KIAA1671: variants seen among roughly 807,000 people sequenced by gnomAD.
The protein encoded by KIAA1671 is uncharacterized protein KIAA1671.
Under a neutral mutation model 131.2 loss-of-function variants are expected in KIAA1671, and 52 were observed. The observed-to-expected ratio is 0.40, with a 90% CI of 0.32 to 0.50. The LOEUF is 0.50. KIAA1671 is among the 20% of genes least tolerant of loss of function. KIAA1671 has a pLI of 0.73. For synonymous variants in KIAA1671, 1,003 were observed against 961.6 expected (o/e 1.04, Z -0.80); for missense variants, 2,360 against 2,364.2 (o/e 1.00, Z 0.04).
chr22:25,112,513 C>T, intron 6 of KIAA1671: 1 of 398,116 alleles, frequency 2.5e-6, no homozygotes, highest in Non-Finnish European at 4.4e-6. Context: ...AAAGCTCCTC[C>T]CCTCCAGTCC....
At chr22:25,006,252 C>G (rs992477059) in intron 1 of KIAA1671, among the ~76,000 whole-genome samples, 1 of 152,070 alleles carries the variant, frequency 6.6e-6, no homozygotes, top group African/African-American at 2.4e-5. Flanking sequence ...AGGCTGGTCT[C>G]GAACTCCTGA....
At chr22:24,956,006 C>G (rs926912100) in intron 1 of KIAA1671, among the ~76,000 whole-genome samples, 1 of 129,566 alleles carries the variant, frequency 7.7e-6, no homozygotes, top group African/African-American at 3.0e-5. Context: ...GCCTGGGCGA[C>G]AGAGTGAGAC....
At chr22:25,068,003 G>T (rs749861890) in intron 6 of KIAA1671, among the ~76,000 whole-genome samples, 2 of 152,288 alleles carry the variant, frequency 1.3e-5, no homozygotes, top group Non-Finnish European at 2.9e-5. Flanking sequence ...GGTGCCGCCA[G>T]TGCAGAGGAA....
At chr22:25,070,477 G>C in intron 6 of KIAA1671, 1 of 423,822 alleles carries the variant, frequency 2.4e-6, no homozygotes, top group South Asian at 9.0e-5. Context: ...CTCTCCTCCT[G>C]CTTCCTGTCA....
intron 6 of KIAA1671, among the ~76,000 whole-genome samples, chr22:25,067,859 C>T (rs550646258): frequency 1.3e-5 from 2 of 152,370 alleles, no homozygotes; most frequent in East Asian, 1.9e-4. Context: ...AGGGCAGCCG[C>T]GAGCGCTGCA....
chr22:24,990,497 C>G (rs1019144233), intron 1 of KIAA1671, among the ~76,000 whole-genome samples: 1 of 152,216 alleles, frequency 6.6e-6, no homozygotes, highest in African/African-American at 2.4e-5. Flanking sequence ...TGGCCCCACA[C>G]ACACCATGCA....
chr22:24,985,223 T>C (rs1252793022), intron 1 of KIAA1671, among the ~76,000 whole-genome samples: 2 of 152,168 alleles, frequency 1.3e-5, no homozygotes, highest in African/African-American at 4.8e-5. Context: ...AAACGTAAAT[T>C]AGGTGCTGTC....
chr22:25,069,096 A>G (rs138375765), intron 6 of KIAA1671, among the ~76,000 whole-genome samples: 20 of 152,178 alleles, frequency 1.3e-4, no homozygotes, highest in African/African-American at 4.6e-4. Context: ...TCCCTGTCTC[A>G]CTGTTTAGCT....
In KIAA1671 at chr22:25,185,475, G is replaced by A. The variant is rs187234686; in HGVS notation, c.5342+356G>A. 288 of 224,970 alleles carry A rather than the reference G, an allele frequency of 1.3e-3. 1 individual carries two copies. Among genetic ancestry groups the A allele is most frequent in the African/African-American group, 6.0e-3 (265 of 43,868 alleles). 13.9% of individuals were successfully genotyped at this position (224,970 alleles called of 1,614,324 possible). A position where few individuals can be genotyped will look rare whatever the true frequency, so the allele number is the denominator to read the frequency against. ...CTCCCTCCTCTTCCCCTTTGGGGAA[G>A]TATCTTTATTATCAGAGATCTGGAG... On this transcript the variant is annotated intron_variant, in intron 11 of 12. Coordinates refer to ENST00000358431, the MANE Select transcript of KIAA1671 (RefSeq NM_001145206.2).
chr22:25,110,740 C>T (rs1931286939), intron 6 of KIAA1671, among the ~76,000 whole-genome samples: 1 of 152,172 alleles, frequency 6.6e-6, no homozygotes, highest in Non-Finnish European at 1.5e-5. Flanking sequence ...AGGGTCTAGT[C>T]GTACCCCCAA....
At chr22:25,086,751 A>G (rs1047805779) in intron 6 of KIAA1671, among the ~76,000 whole-genome samples, 9 of 152,104 alleles carry the variant, frequency 5.9e-5, no homozygotes, top group African/African-American at 1.9e-4. Context: ...TTTTCTCCAC[A>G]CCAGGCTGGC....
chr22:24,958,503 A>C (rs899855112), intron 1 of KIAA1671, among the ~76,000 whole-genome samples: 3 of 151,754 alleles, frequency 2.0e-5, no homozygotes, highest in African/African-American at 4.8e-5. Context: ...TACAAAAATC[A>C]GCCAGGCGTG....
At chr22:25,086,218 G>C (rs1197436042) in intron 6 of KIAA1671, among the ~76,000 whole-genome samples, 1 of 152,216 alleles carries the variant, frequency 6.6e-6, no homozygotes, top group Admixed American at 6.5e-5. Context: ...CAGAGAGCAT[G>C]TCTTGTTCAT....
chr22:25,116,399 GTA>G (rs1390856071), intron 6 of KIAA1671, among the ~76,000 whole-genome samples: 4 of 118,212 alleles, frequency 3.4e-5, no homozygotes, highest in Non-Finnish European at 3.9e-5. Context: ...ATGTATGTAT[GTA>G]TGTATGTATG....
intron 1 of KIAA1671, chr22:25,011,700 C>G (rs1234266863): frequency 6.4e-5 from 9 of 140,082 alleles, no homozygotes; most frequent in Non-Finnish European, 1.1e-4. Context: ...TGCAGTGGTG[C>G]GATCTTGGAT....
chr22:25,159,052 G>C (rs151315998), intron 6 of KIAA1671, among the ~76,000 whole-genome samples: 109 of 152,174 alleles, frequency 7.2e-4, no homozygotes, highest in African/African-American at 2.5e-3. Context: ...CAGGCTCTAG[G>C]GTGCCCACTG....
At chr22:25,155,479 C>CTG (rs979044249) in intron 6 of KIAA1671, among the ~76,000 whole-genome samples, 15 of 149,738 alleles carry the variant, frequency 1.0e-4, no homozygotes, top group Middle Eastern at 3.5e-3. Context: ...GTGTATGCAG[C>CTG]TGTGTGTGTG....
chr22:25,137,102 G>C (rs1328146323), intron 6 of KIAA1671, among the ~76,000 whole-genome samples: 1 of 152,146 alleles, frequency 6.6e-6, no homozygotes, highest in Non-Finnish European at 1.5e-5. Context: ...CTAAATGACT[G>C]GGAGTCGCTG....
chr22:24,959,307 A>T (rs1921889960), intron 1 of KIAA1671, among the ~76,000 whole-genome samples: 2 of 152,174 alleles, frequency 1.3e-5, no homozygotes, highest in South Asian at 4.1e-4. Flanking sequence ...GGAGTTTGAG[A>T]CCAGCATGGC....
Sources: allele counts gnomAD v4.1 joint callset (sites outside exome capture counted in the v4.1 genomes callset), GRCh38; gene constraint gnomAD v4.1.1; transcripts MANE v1.5; gene names NCBI Gene and HGNC (gene_info 2026-07-23, HGNC 2026-07-21).